Variants in MAML3 observed in about 807,000 individuals in gnomAD.
MAML3 encodes mastermind like transcriptional coactivator 3, also known as mastermind-like protein 3.
Under a neutral mutation model 101.9 loss-of-function variants are expected in MAML3, and 27 were observed. The observed-to-expected ratio is 0.27, with a 90% CI of 0.20 to 0.37. The LOEUF (loss-of-function observed/expected upper bound fraction) is 0.37, where lower values mean the gene tolerates loss of function less well. MAML3 is among the 10% of genes least tolerant of loss of function. The pLI is 1.00. For synonymous variants in MAML3, 501 were observed against 555.9 expected (o/e 0.90, Z 1.39); for missense variants, 1,316 against 1,444.9 (o/e 0.91, Z 1.45).
intron 1 of MAML3, among the ~76,000 whole-genome samples, chr4:139,939,964 C>T (rs1011842232): frequency 6.6e-6 from 1 of 152,082 alleles, no homozygotes; most frequent in African/African-American, 2.4e-5. Flanking sequence ...CGGTGTTTCA[C>T]CATGTTGGCC....
intron 1 of MAML3, among the ~76,000 whole-genome samples, chr4:140,128,900 A>G (rs1728732089): frequency 6.6e-6 from 1 of 152,134 alleles, no homozygotes; most frequent in Non-Finnish European, 1.5e-5. Flanking sequence ...AACCTTCAAG[A>G]TTTCCCTTCC....
intron 2 of MAML3, among the ~76,000 whole-genome samples, chr4:139,738,678 A>C (rs192208932): frequency 7.5e-4 from 115 of 152,328 alleles, no homozygotes; most frequent in Middle Eastern, 3.4e-3. Context: ...ACATTTGAAA[A>C]ACAATGCAGA....
At chr4:139,782,459 G>A (rs985046959) in intron 2 of MAML3, among the ~76,000 whole-genome samples, 1 of 152,192 alleles carries the variant, frequency 6.6e-6, no homozygotes, top group African/African-American at 2.4e-5. Context: ...GAGCCACTGT[G>A]CTGGGACTGA....
intron 2 of MAML3, among the ~76,000 whole-genome samples, chr4:139,813,450 ATGGCAGTGGACTTTTTGG>A: frequency 6.6e-6 from 1 of 152,230 alleles, no homozygotes; most frequent in East Asian, 1.9e-4. Flanking sequence ...GGGAATTAGA[ATGGCAGTGGACTTTTTGG>A]TGGCAACCTT....
intron 2 of MAML3, among the ~76,000 whole-genome samples, chr4:139,811,377 G>C (rs1010230062): frequency 1.3e-5 from 2 of 152,168 alleles, no homozygotes; most frequent in African/African-American, 4.8e-5. Context: ...CATGGCTTGA[G>C]TACTATTAGC....
chr4:140,154,133 T>TCCTCCTCCTCTCGCTCCTCCA lies in MAML3; in HGVS notation c.-827_-807dup, dbSNP rs1729227091. 5.7e-6 allele frequency: 1 copy of TCCTCCTCCTCTCGCTCCTCCA among 176,236 alleles called. No individual in the cohort carries two copies. Among genetic ancestry groups the TCCTCCTCCTCTCGCTCCTCCA allele is most frequent in the Admixed American group, 6.2e-5 (1 of 16,164 alleles). 10.9% of individuals were successfully genotyped at this position (176,236 alleles called of 1,614,324 possible). ...CGCCGCCGCCGCCGCCGCCGCCTCC[T>TCCTCCTCCTCTCGCTCCTCCA]CCTCCTCCTCTCGCTCCTCCACCTC... On this transcript the variant is annotated 5_prime_UTR_variant, in exon 1 of 5. Coordinates refer to ENST00000509479, the MANE Select transcript of MAML3 (RefSeq NM_018717.5).
At chr4:140,094,728 T>G (rs1560891841) in intron 1 of MAML3, among the ~76,000 whole-genome samples, 1 of 152,216 alleles carries the variant, frequency 6.6e-6, no homozygotes, top group South Asian at 2.1e-4. Flanking sequence ...TTTGTAAAAA[T>G]GCGGCTTCAA....
chr4:139,729,156 C>CAAAAAAAAAAAA (rs4057275), intron 3 of MAML3, among the ~76,000 whole-genome samples: 4 of 81,706 alleles, frequency 4.9e-5, no homozygotes, highest in African/African-American at 9.5e-5. Context: ...GGAACAAAAG[C>CAAAAAAAAAAAA]AAAAAAAAAA....
intron 1 of MAML3, among the ~76,000 whole-genome samples, chr4:140,145,201 C>T (rs966668186): frequency 2.0e-5 from 3 of 152,132 alleles, no homozygotes; most frequent in Admixed American, 6.5e-5. Flanking sequence ...AACCTAATAA[C>T]CTCCTTTACC....
intron 2 of MAML3, among the ~76,000 whole-genome samples, chr4:139,761,117 C>T (rs921812400): frequency 1.9e-4 from 29 of 152,130 alleles, no homozygotes. Flanking sequence ...CATCACCACA[C>T]CTGGCAAATT....
At chr4:139,791,880 T>C (rs1730421903) in intron 2 of MAML3, among the ~76,000 whole-genome samples, 1 of 152,200 alleles carries the variant, frequency 6.6e-6, no homozygotes, top group Non-Finnish European at 1.5e-5. Context: ...ATTGTTATTA[T>C]AGATGAATGT....
intron 1 of MAML3, among the ~76,000 whole-genome samples, chr4:139,959,405 C>T (rs1733968181): frequency 6.6e-6 from 1 of 152,078 alleles, no homozygotes; most frequent in Admixed American, 6.6e-5. Context: ...TTCCATAGCA[C>T]TTTAGTTCTT....
chr4:140,115,490 CCACAAT>C (rs1478161518), intron 1 of MAML3, among the ~76,000 whole-genome samples: 1 of 152,134 alleles, frequency 6.6e-6, no homozygotes, highest in African/African-American at 2.4e-5. Flanking sequence ...ATATTTTCAT[CCACAAT>C]AACACAAATT....
rs376827352 is a variant in MAML3, at chr4:139,766,688, G to A, written c.2080-36021C>T. Among the ~76,000 whole-genome samples the A allele has an allele frequency of 6.6e-5, 10 of 152,272 alleles. No homozygotes were observed. The East Asian group carries it at 1.7e-3, about 26-fold the overall frequency. ...TTCTTCTCCCGACAACTCCAAGTCC[G>A]CCATTTCCTTCTACCATGATTTAGA... On this transcript the variant is annotated intron_variant, in intron 2 of 4. Coordinates refer to ENST00000509479, the MANE Select transcript of MAML3 (RefSeq NM_018717.5).
Position 139,885,932 on chromosome 4 carries a change from C to CAAAAAAAAAAAAAAAA in MAML3, c.2079+3409_2079+3424dup, listed in dbSNP as rs1182443191. Among the ~76,000 whole-genome samples, 7 of 20,302 alleles carry CAAAAAAAAAAAAAAAA rather than the reference C, an allele frequency of 3.4e-4. 2 individuals are homozygous for CAAAAAAAAAAAAAAAA. The highest frequency in any genetic ancestry group is 6.7e-4 in the Non-Finnish European group (7 of 10,424). The allele number at this position is 20,302 out of a possible 152,430, so 13.3% of individuals were successfully genotyped here. A position where few individuals can be genotyped will look rare whatever the true frequency, so the allele number is the denominator to read the frequency against. The stretch of plus-strand genomic sequence containing the variant: ...TGGGCGACAGGGCAAGACTCCGTCT[C>CAAAAAAAAAAAAAAAA]AAAAAAAAAAAAAAAAAAAAAAAAA... On this transcript the variant is annotated intron_variant, in intron 2 of 4. Transcript: ENST00000509479.
intron 1 of MAML3, among the ~76,000 whole-genome samples, chr4:140,062,086 G>A (rs1727456709): frequency 6.6e-6 from 1 of 152,096 alleles, no homozygotes; most frequent in Non-Finnish European, 1.5e-5. Flanking sequence ...CAGCAGACTT[G>A]GTTACTTAGG....
chr4:140,147,954 G>C (rs1438858308), intron 1 of MAML3, among the ~76,000 whole-genome samples: 3 of 152,118 alleles, frequency 2.0e-5, no homozygotes, highest in African/African-American at 7.2e-5. Context: ...GCATGAGAGA[G>C]AGAAATGCCT....
chr4:139,759,394 T>A (rs933650297), intron 2 of MAML3, among the ~76,000 whole-genome samples: 1 of 152,190 alleles, frequency 6.6e-6, no homozygotes, highest in Non-Finnish European at 1.5e-5. Context: ...GGCAGGGAAC[T>A]CCTGCTTCCT....
chr4:139,905,371 A>G (rs1433714690), intron 1 of MAML3, among the ~76,000 whole-genome samples: 2 of 151,820 alleles, frequency 1.3e-5, no homozygotes, highest in African/African-American at 4.8e-5. Flanking sequence ...GGGCATCTGT[A>G]GTCCCAGCTA....
Sources: allele counts gnomAD v4.1 joint callset (sites outside exome capture counted in the v4.1 genomes callset), GRCh38; gene constraint gnomAD v4.1.1; transcripts MANE v1.5; gene names NCBI Gene and HGNC (gene_info 2026-07-23, HGNC 2026-07-21).